Variants in NARS2 observed in about 807,000 individuals in gnomAD.
The protein encoded by NARS2 is asparaginyl-tRNA synthetase 2, mitochondrial.
A neutral mutation model predicts 62.9 loss-of-function variants in NARS2; 60 were observed. The ratio of observed to expected loss-of-function variants is 0.95; its 90% confidence interval spans 0.77 to 1.18. The LOEUF (loss-of-function observed/expected upper bound fraction) is 1.18, where lower values mean the gene tolerates loss of function less well. Among genes scored for constraint, NARS2 ranks in the 50% most tolerant of loss-of-function variants. NARS2 has a pLI of 0.00. For synonymous variants in NARS2, 196 were observed against 200.0 expected (o/e 0.98, Z 0.17); for missense variants, 619 against 576.4 (o/e 1.07, Z -0.76).
intron 7 of NARS2, among the ~76,000 whole-genome samples, chr11:78,481,182 A>G (rs1390915297): frequency 6.6e-6 from 1 of 152,192 alleles, no homozygotes; most frequent in Non-Finnish European, 1.5e-5. Flanking sequence ...AACAGAATGT[A>G]TAGATTCTAA....
chr11:78,568,993 A>G (rs1185999109), intron 2 of NARS2, among the ~76,000 whole-genome samples: 1 of 152,240 alleles, frequency 6.6e-6, no homozygotes, highest in East Asian at 1.9e-4. Flanking sequence ...ATTCAGAATT[A>G]AGAGGTTGTA....
rs115595895 is a variant in NARS2 at position 78,559,906 on chromosome 11, A to G, written c.514-287T>C. Among the ~76,000 whole-genome samples the G allele has an allele frequency of 0.011, 1,636 of 152,322 alleles. 34 individuals are homozygous for G. The highest frequency in any genetic ancestry group is 0.039 in the African/African-American group (1,603 of 41,560). On this transcript the variant is annotated intron_variant, in intron 4 of 13. Coordinates refer to ENST00000281038, the MANE Select transcript of NARS2 (RefSeq NM_024678.6). ...CAGATTTAGTGACTTTCCACAAGTTACACAATTAGTCAGTGGCTGAGCCAG... is the reference window on the plus strand; with the variant it reads ...CAGATTTAGTGACTTTCCACAAGTTGCACAATTAGTCAGTGGCTGAGCCAG...
chr11:78,559,142 A>C (rs1856469522), intron 5 of NARS2, among the ~76,000 whole-genome samples: 1 of 151,978 alleles, frequency 6.6e-6, no homozygotes, highest in African/African-American at 2.4e-5. Context: ...GTCTCTACTA[A>C]AAATACAAAA....
intron 5 of NARS2, among the ~76,000 whole-genome samples, chr11:78,531,220 C>CA (rs199691480): frequency 0.01 from 1,535 of 149,740 alleles, 28 homozygotes; most frequent in African/African-American, 0.035. Flanking sequence ...AATGCTGAGC[C>CA]AAAAAAAAGG....
In NARS2 at chr11:78,459,249, G is replaced by GA. The variant is rs1858294757; in HGVS notation, c.1164+6626_1164+6627insT. On this transcript the variant is annotated intron_variant, in intron 11 of 13. Coordinates refer to ENST00000281038, the MANE Select transcript of NARS2 (RefSeq NM_024678.6). ...TCTGATGGTGGTTTTTTTTGTCGTT[G>GA]TTTTTTTTTTGTTTTGTTTTGTTTG... Among the ~76,000 whole-genome samples the GA allele has an allele frequency of 2.1e-5, 3 of 143,214 alleles. No homozygotes were observed. The South Asian group carries it at 6.7e-4, about 32-fold the overall frequency. 94.0% of individuals were successfully genotyped at this position (143,214 alleles called of 152,430 possible). A position where few individuals can be genotyped will look rare whatever the true frequency, so the allele number is the denominator to read the frequency against.
At chr11:78,566,066 C>A in intron 4 of NARS2, 66 bp downstream of exon 4, 1 of 1,320,026 alleles carries the variant, frequency 7.6e-7, no homozygotes, top group Non-Finnish European at 1.0e-6. Flanking sequence ...GAGAAAAAGA[C>A]ACAACTGTTT....
At chr11:78,504,721 A>G (rs1860422749) in intron 6 of NARS2, among the ~76,000 whole-genome samples, 1 of 152,186 alleles carries the variant, frequency 6.6e-6, no homozygotes, top group Non-Finnish European at 1.5e-5. Context: ...CATCTTCTAC[A>G]GCCTATGAGG....
At chr11:78,546,225 G>A (rs1256842613) in intron 5 of NARS2, among the ~76,000 whole-genome samples, 1 of 152,176 alleles carries the variant, frequency 6.6e-6, no homozygotes, top group Admixed American at 6.5e-5. Context: ...AGTGTAGCCA[G>A]GTATCTCTGT....
chr11:78,536,626 T>C (rs1046967761), intron 5 of NARS2, among the ~76,000 whole-genome samples: 3 of 152,136 alleles, frequency 2.0e-5, no homozygotes, highest in Admixed American at 6.5e-5. Flanking sequence ...GTGTTTTAAG[T>C]ATTATGAAAG....
intron 5 of NARS2, among the ~76,000 whole-genome samples, chr11:78,536,931 G>A (rs1033004065): frequency 7.9e-5 from 12 of 152,040 alleles, no homozygotes; most frequent in Admixed American, 4.6e-4. Context: ...TATTTTTATC[G>A]TACAATTTCT....
chr11:78,550,982 A>G (rs1856081171), intron 5 of NARS2, among the ~76,000 whole-genome samples: 1 of 152,022 alleles, frequency 6.6e-6, no homozygotes, highest in Non-Finnish European at 1.5e-5. Context: ...AAGACCATAC[A>G]TTGTACGATT....
At chr11:78,455,102 A>G (rs1274693641) in intron 11 of NARS2, among the ~76,000 whole-genome samples, 1 of 151,942 alleles carries the variant, frequency 6.6e-6, no homozygotes, top group Non-Finnish European at 1.5e-5. Context: ...CCCTTCCCCA[A>G]TCCATTCTAT....
rs1015670081 is a variant in NARS2 at position 78,574,798 on chromosome 11, C to G, written c.-310G>C. On this transcript the variant is annotated 5_prime_UTR_variant, in exon 1 of 14. Coordinates refer to ENST00000281038, the MANE Select transcript of NARS2 (RefSeq NM_024678.6). Reference sequence around the variant, plus strand: ...GACAATTGTAAACCTACGAACAGAACCCGGGCCGCAACACGCGCAACCACT... The same window carrying G: ...GACAATTGTAAACCTACGAACAGAAGCCGGGCCGCAACACGCGCAACCACT... The G allele has an allele frequency of 7.5e-5, 24 of 321,270 alleles. No individual in the cohort carries two copies. Among genetic ancestry groups the G allele is most frequent in the African/African-American group, 4.5e-4 (21 of 46,156 alleles). 19.9% of individuals were successfully genotyped at this position (321,270 alleles called of 1,614,324 possible).
At chr11:78,437,502 C>T (rs772190117) in intron 13 of NARS2, among the ~76,000 whole-genome samples, 13 of 152,138 alleles carry the variant, frequency 8.5e-5, no homozygotes, top group Non-Finnish European at 1.6e-4. Flanking sequence ...AACCCATCCA[C>T]GCACATTCTT....
At chr11:78,533,985 T>G (rs1565264312) in intron 5 of NARS2, among the ~76,000 whole-genome samples, 1 of 152,220 alleles carries the variant, frequency 6.6e-6, no homozygotes. Flanking sequence ...GATAGCTCAT[T>G]TTTTTTCAGT....
intron 6 of NARS2, among the ~76,000 whole-genome samples, chr11:78,495,925 G>T (rs1192719201): frequency 6.6e-6 from 1 of 152,194 alleles, no homozygotes; most frequent in Non-Finnish European, 1.5e-5. Context: ...GCTCCAAGAT[G>T]AGCAGCAATA....
At position 78,574,247 on chromosome 11, in the gene NARS2, T is replaced by G. The variant is rs1196301924; in HGVS notation, c.141+101A>C. Reference sequence around the variant, plus strand: ...CCTACACTTTCTAACTTTTCCCTGCTGGCGGTTGTGTCTGACCCGACTGTA... The same window carrying G: ...CCTACACTTTCTAACTTTTCCCTGCGGGCGGTTGTGTCTGACCCGACTGTA... On this transcript the variant is annotated intron_variant, in intron 1 of 13. Transcript: ENST00000281038. 1.1e-5 allele frequency: 16 copies of G among 1,477,006 alleles called. No homozygotes were observed. The Admixed American group carries it at 2.8e-4, about 26-fold the overall frequency. 91.5% of individuals were successfully genotyped at this position (1,477,006 alleles called of 1,614,324 possible).
intron 5 of NARS2, chr11:78,546,697 T>A (rs1245759146): frequency 6.6e-6 from 1 of 152,230 alleles, no homozygotes; most frequent in East Asian, 1.9e-4. Flanking sequence ...TATAGGTCAC[T>A]CTGCCCCAAT....
chr11:78,501,317 G>A (rs566512904), intron 6 of NARS2, among the ~76,000 whole-genome samples: 71 of 152,276 alleles, frequency 4.7e-4, no homozygotes, highest in Non-Finnish European at 7.4e-4. Flanking sequence ...CACATGCCAT[G>A]AAGACTGGAA....
Sources: allele counts gnomAD v4.1 joint callset (sites outside exome capture counted in the v4.1 genomes callset), GRCh38; gene constraint gnomAD v4.1.1; transcripts MANE v1.5; gene names NCBI Gene and HGNC (gene_info 2026-07-23, HGNC 2026-07-21).